Variants in NKAIN2 observed in about 807,000 individuals in gnomAD.
NKAIN2 encodes the protein sodium/potassium-transporting ATPase subunit beta-1-interacting protein 2.
NKAIN2 carries 14 observed loss-of-function variants against 32.6 expected under a neutral mutation model. The observed-to-expected ratio is 0.43, with a 90% CI of 0.28 to 0.67. NKAIN2 has a LOEUF of 0.67. NKAIN2 is among the 30% of genes least tolerant of loss of function. The pLI, the probability that NKAIN2 is intolerant of heterozygous loss-of-function variation, is 0.17. For missense variants in NKAIN2, 198 were observed against 258.3 expected (o/e 0.77, Z 1.60); for synonymous variants, 80 against 87.2 (o/e 0.92, Z 0.46).
At chr6:124,459,579 A>C (rs1017256) in intron 3 of NKAIN2, among the ~76,000 whole-genome samples, 6,437 of 151,684 alleles carry the variant, frequency 0.042, 443 homozygotes, top group African/African-American at 0.15. Flanking sequence ...AATTTTACTT[A>C]TAACAGGTAT....
At chr6:124,588,397 CTG>C (rs748194377) in intron 3 of NKAIN2, among the ~76,000 whole-genome samples, 64 of 152,112 alleles carry the variant, frequency 4.2e-4, no homozygotes, top group Non-Finnish European at 7.2e-4. Context: ...AAAAAATTGA[CTG>C]TAATAATTTT....
At chr6:124,195,286 G>C (rs1294817994) in intron 1 of NKAIN2, among the ~76,000 whole-genome samples, 1 of 150,470 alleles carries the variant, frequency 6.6e-6, no homozygotes, top group Non-Finnish European at 1.5e-5. Context: ...AATTTCCATA[G>C]AATGTATTTA....
chr6:124,443,841 T>C (rs142583440), intron 3 of NKAIN2, among the ~76,000 whole-genome samples: 59 of 152,192 alleles, frequency 3.9e-4, no homozygotes, highest in Non-Finnish European at 6.9e-4. Flanking sequence ...CAGACACTGT[T>C]TCTTCTCCAA....
At chr6:124,423,826 T>A (rs1314899612) in intron 3 of NKAIN2, among the ~76,000 whole-genome samples, 1 of 152,212 alleles carries the variant, frequency 6.6e-6, no homozygotes. Flanking sequence ...CCTGGGCAGA[T>A]GTCTCTTTGA....
rs5879708 is a variant in NKAIN2, at chr6:123,955,196, C to CA, written c.54+150958dup. On this transcript the variant is annotated intron_variant, in intron 1 of 6. Coordinates refer to ENST00000368417, the MANE Select transcript of NKAIN2 (RefSeq NM_001040214.3). Reference sequence around the variant, plus strand: ...GATTCTCAAGGAGATACAGAAAAACCAAAAAAAAAAAAAAAAGAAAAAGAA... The same window carrying CA: ...GATTCTCAAGGAGATACAGAAAAACCAAAAAAAAAAAAAAAAAGAAAAAGAA... Among the ~76,000 whole-genome samples, 917 of 104,986 alleles carry CA rather than the reference C, an allele frequency of 8.7e-3. 2 individuals carry two copies. Among genetic ancestry groups the CA allele is most frequent in the African/African-American group, 0.011 (356 of 31,514 alleles). The allele number at this position is 104,986 out of a possible 152,430, so 68.9% of individuals were successfully genotyped here.
chr6:123,926,519 C>A, intron 1 of NKAIN2, among the ~76,000 whole-genome samples: 1 of 151,576 alleles, frequency 6.6e-6, no homozygotes, highest in Admixed American at 6.6e-5. Flanking sequence ...CCCAGATGCC[C>A]GCTGCAGTGT....
At chr6:124,735,676 C>G (rs1455063238) in intron 4 of NKAIN2, among the ~76,000 whole-genome samples, 1 of 151,786 alleles carries the variant, frequency 6.6e-6, no homozygotes, top group Admixed American at 6.6e-5. Flanking sequence ...GGGTAGTTCT[C>G]ACAATATTTC....
intron 3 of NKAIN2, among the ~76,000 whole-genome samples, chr6:124,621,135 C>T (rs1293718141): frequency 6.6e-6 from 1 of 152,144 alleles, no homozygotes; most frequent in African/African-American, 2.4e-5. Flanking sequence ...AGGAATACTA[C>T]TGGGCAGCAG....
At chr6:124,148,207 C>CAA (rs1787517492) in intron 1 of NKAIN2, among the ~76,000 whole-genome samples, 1 of 151,914 alleles carries the variant, frequency 6.6e-6, no homozygotes, top group East Asian at 1.9e-4. Context: ...AGAGAGTTTG[C>CAA]ACTTTTGTGA....
intron 3 of NKAIN2, among the ~76,000 whole-genome samples, chr6:124,374,593 A>G (rs1026820841): frequency 6.6e-5 from 10 of 152,128 alleles, no homozygotes; most frequent in Admixed American, 1.3e-4. Flanking sequence ...ATTTAGCATC[A>G]ATTTTCTGTA....
At chr6:124,046,995 T>C in intron 1 of NKAIN2, among the ~76,000 whole-genome samples, 1 of 152,036 alleles carries the variant, frequency 6.6e-6, no homozygotes, top group South Asian at 2.1e-4. Context: ...CAAAAATGCC[T>C]TCGCTGTTTT....
intron 1 of NKAIN2, among the ~76,000 whole-genome samples, chr6:124,255,951 A>C (rs929243629): frequency 6.6e-6 from 1 of 152,198 alleles, no homozygotes; most frequent in Non-Finnish European, 1.5e-5. Context: ...AAACCTTTGC[A>C]ATCATAAAGG....
chr6:123,851,762 A>G (rs1475691271), intron 1 of NKAIN2, among the ~76,000 whole-genome samples: 1 of 152,152 alleles, frequency 6.6e-6, no homozygotes, highest in Non-Finnish European at 1.5e-5. Context: ...CGAAATGTCT[A>G]TTCAAGCCCT....
intron 1 of NKAIN2, among the ~76,000 whole-genome samples, chr6:124,245,064 G>C (rs1376766223): frequency 6.6e-6 from 1 of 152,058 alleles, no homozygotes; most frequent in African/African-American, 2.4e-5. Context: ...ATTAGAGAGA[G>C]ATAAGCTGGT....
intron 4 of NKAIN2, among the ~76,000 whole-genome samples, chr6:124,696,767 TA>T (rs920156937): frequency 7.3e-5 from 10 of 137,824 alleles, no homozygotes; most frequent in South Asian, 4.6e-4. Flanking sequence ...TAAAAGGATC[TA>T]TTTTTTTTTT....
intron 3 of NKAIN2, among the ~76,000 whole-genome samples, chr6:124,359,175 G>A (rs12202874): frequency 0.15 from 22,346 of 152,076 alleles, 2,129 homozygotes; most frequent in Admixed American, 0.26. Context: ...GGTTACTGTA[G>A]CCTTGTAGTA....
At chr6:124,169,913 C>G (rs1469126826) in intron 1 of NKAIN2, among the ~76,000 whole-genome samples, 1 of 152,090 alleles carries the variant, frequency 6.6e-6, no homozygotes, top group Non-Finnish European at 1.5e-5. Context: ...TTAAAATGGT[C>G]AGCTTGGGCC....
rs1047306428 is a variant in NKAIN2 at position 124,202,432 on chromosome 6, CT to C, written c.55-80570del. ...GGTGAGCATATTAAGTACACAAAAT[CT>C]TTGTGGACTGAGTGAATAAAAGAAT... On this transcript the variant is annotated intron_variant, in intron 1 of 6. Coordinates refer to ENST00000368417, the MANE Select transcript of NKAIN2 (RefSeq NM_001040214.3). Among the ~76,000 whole-genome samples the C allele has an allele frequency of 6.6e-5, 10 of 151,890 alleles. No homozygotes were observed. In the South Asian group the frequency reaches 1.0e-3, roughly 16 times the overall value.
At chr6:124,321,193 A>G (rs1797171447) in intron 2 of NKAIN2, among the ~76,000 whole-genome samples, 1 of 152,130 alleles carries the variant, frequency 6.6e-6, no homozygotes, top group African/African-American at 2.4e-5. Flanking sequence ...CTGTTTTCCC[A>G]TTGATTACTT....
Sources: allele counts gnomAD v4.1 joint callset (sites outside exome capture counted in the v4.1 genomes callset), GRCh38; gene constraint gnomAD v4.1.1; transcripts MANE v1.5; gene names NCBI Gene and HGNC (gene_info 2026-07-23, HGNC 2026-07-21).